The following ASAP1 variants were observed in gnomAD, a reference collection of about 807,000 sequenced individuals.
ASAP1 encodes the protein arf-GAP with SH3 domain, ANK repeat and PH domain-containing protein 1.
Under a neutral mutation model 145.2 loss-of-function variants are expected in ASAP1, and 43 were observed. The ratio of observed to expected loss-of-function variants is 0.30; its 90% CI spans 0.23 to 0.38. ASAP1 has a LOEUF of 0.38. ASAP1 is among the 10% of genes least tolerant of loss of function. ASAP1 has a pLI of 1.00. For synonymous variants in ASAP1, 546 were observed against 515.5 expected (o/e 1.06, Z -0.80); for missense variants, 1,018 against 1,355.3 (o/e 0.75, Z 3.91).
chr8:130,441,816 T>A (rs1189424854), intron 1 of ASAP1, among the ~76,000 whole-genome samples: 2 of 152,108 alleles, frequency 1.3e-5, no homozygotes, highest in Non-Finnish European at 2.9e-5. Flanking sequence ...ATACTAAAAA[T>A]GAAAAACCAG....
Position 130,307,999 on chromosome 8 carries a change from G to A in ASAP1, c.186+50018C>T, listed in dbSNP as rs569078508. 2.4e-3 allele frequency among the ~76,000 whole-genome samples: 361 copies of A among 152,310 alleles called. 2 individuals carry two copies. Among genetic ancestry groups the A allele is most frequent in the African/African-American group, 8.3e-3 (347 of 41,568 alleles). On this transcript the variant is annotated intron_variant, in intron 3 of 29. Transcript: ENST00000518721. ...AAAGTTGTCTCCATTTCCTGACATAGAATTAATTTAGGAAATGCTTACATT... is the reference window on the plus strand; with the variant it reads ...AAAGTTGTCTCCATTTCCTGACATAAAATTAATTTAGGAAATGCTTACATT...
intron 2 of ASAP1, among the ~76,000 whole-genome samples, chr8:130,367,054 G>A (rs1009787458): frequency 6.6e-6 from 1 of 151,804 alleles, no homozygotes. Flanking sequence ...ACCACACCCA[G>A]CTAATTTTTG....
intron 13 of ASAP1, among the ~76,000 whole-genome samples, chr8:130,140,722 T>C (rs1425277983): frequency 6.6e-6 from 1 of 152,206 alleles, no homozygotes; most frequent in African/African-American, 2.4e-5. Context: ...CACAGGCACA[T>C]CTTGCCTAAA....
At chr8:130,170,235 G>A (rs536713910) in intron 9 of ASAP1, among the ~76,000 whole-genome samples, 2 of 151,862 alleles carry the variant, frequency 1.3e-5, no homozygotes, top group South Asian at 2.1e-4. Flanking sequence ...TGCCCAGGCT[G>A]GAGTGCAGCG....
chr8:130,267,262 G>C (rs1323401223), intron 3 of ASAP1, among the ~76,000 whole-genome samples: 1 of 151,998 alleles, frequency 6.6e-6, no homozygotes, highest in Admixed American at 6.6e-5. Context: ...ACAGCTCCTA[G>C]ATCTAATGAA....
At chr8:130,244,228 A>G (rs956686673) in intron 3 of ASAP1, among the ~76,000 whole-genome samples, 20 of 152,172 alleles carry the variant, frequency 1.3e-4, no homozygotes, top group African/African-American at 4.6e-4. Context: ...GAAAGAATGA[A>G]TATCTCTCTT....
At chr8:130,443,221 C>T (rs959180540) in intron 1 of ASAP1, among the ~76,000 whole-genome samples, 1 of 151,816 alleles carries the variant, frequency 6.6e-6, no homozygotes, top group Non-Finnish European at 1.5e-5. Context: ...GACCTCCCCC[C>T]CCCACCGGGC....
intron 4 of ASAP1, among the ~76,000 whole-genome samples, chr8:130,218,998 GTAA>G (rs777911703): frequency 1.8e-4 from 28 of 151,850 alleles, no homozygotes; most frequent in Admixed American, 1.4e-3. Context: ...ATATCTTGGG[GTAA>G]TAATAACAAT....
intron 3 of ASAP1, among the ~76,000 whole-genome samples, chr8:130,326,637 C>A (rs548855021): frequency 1.1e-4 from 17 of 152,308 alleles, no homozygotes; most frequent in South Asian, 4.1e-4. Flanking sequence ...CGGAGGCCAA[C>A]AAAGAGTAGA....
At chr8:130,114,179 C>T (rs1592832551) in intron 23 of ASAP1, among the ~76,000 whole-genome samples, 2 of 152,140 alleles carry the variant, frequency 1.3e-5, no homozygotes, top group Non-Finnish European at 2.9e-5. Flanking sequence ...GGCATACATT[C>T]TGAGAAATGT....
chr8:130,271,373 T>C (rs1820576203), intron 3 of ASAP1, among the ~76,000 whole-genome samples: 1 of 152,234 alleles, frequency 6.6e-6, no homozygotes, highest in African/African-American at 2.4e-5. Flanking sequence ...CTGCACTGCT[T>C]GTAGGCCACA....
At chr8:130,080,470 T>TTC (rs757219224) in intron 25 of ASAP1, among the ~76,000 whole-genome samples, 158 of 108,110 alleles carry the variant, frequency 1.5e-3, no homozygotes, top group African/African-American at 1.8e-3. Flanking sequence ...TCGTCATTCA[T>TTC]TCTCTCTCTT....
At chr8:130,220,661 AC>A (rs1817237717) in intron 4 of ASAP1, among the ~76,000 whole-genome samples, 1 of 151,882 alleles carries the variant, frequency 6.6e-6, no homozygotes, top group Admixed American at 6.6e-5. Context: ...ACATGGTAAA[AC>A]CCCACTGTAT....
chr8:130,377,906 C>T (rs1408901939), intron 2 of ASAP1, among the ~76,000 whole-genome samples: 1 of 152,208 alleles, frequency 6.6e-6, no homozygotes, highest in Non-Finnish European at 1.5e-5. Flanking sequence ...CCACTGCCCA[C>T]ACTTCTCTCT....
At chr8:130,215,676 G>A (rs1175189332) in intron 4 of ASAP1, among the ~76,000 whole-genome samples, 6 of 152,028 alleles carry the variant, frequency 3.9e-5, no homozygotes, top group Non-Finnish European at 7.4e-5. Context: ...CCTGGGAGGC[G>A]GAGCTTGCAG....
intron 3 of ASAP1, among the ~76,000 whole-genome samples, chr8:130,319,068 T>G (rs1296430994): frequency 6.6e-6 from 1 of 152,264 alleles, no homozygotes; most frequent in Non-Finnish European, 1.5e-5. Context: ...GTCAGTCTTC[T>G]GAAGCGTTTT....
At chr8:130,428,615 T>TCAC (rs908902436) in intron 1 of ASAP1, among the ~76,000 whole-genome samples, 2 of 139,390 alleles carry the variant, frequency 1.4e-5, no homozygotes, top group Non-Finnish European at 1.6e-5. Flanking sequence ...ACCATCATCA[T>TCAC]CACCACCACC....
intron 3 of ASAP1, among the ~76,000 whole-genome samples, chr8:130,319,555 A>G (rs1006458975): frequency 1.8e-4 from 27 of 152,264 alleles, no homozygotes; most frequent in Middle Eastern, 3.4e-3. Flanking sequence ...GTCAGAGCCT[A>G]CCTTATCCGT....
intron 3 of ASAP1, among the ~76,000 whole-genome samples, chr8:130,291,786 T>A (rs1022548737): frequency 4.6e-5 from 7 of 152,180 alleles, no homozygotes; most frequent in Non-Finnish European, 8.8e-5. Flanking sequence ...TTTCATTAGA[T>A]CCCAAGATGC....
Sources: allele counts gnomAD v4.1 joint callset (sites outside exome capture counted in the v4.1 genomes callset), GRCh38; gene constraint gnomAD v4.1.1; transcripts MANE v1.5; gene names NCBI Gene and HGNC (gene_info 2026-07-23, HGNC 2026-07-21).